PLOD1: variants seen among roughly 807,000 people sequenced by gnomAD.
The protein encoded by PLOD1 is procollagen-lysine,2-oxoglutarate 5-dioxygenase 1.
PLOD1 carries 70 observed loss-of-function variants against 94.7 expected under a neutral mutation model. The observed-to-expected ratio is 0.74, with a 90% CI of 0.61 to 0.90. The LOEUF is 0.90. Among genes scored for constraint, PLOD1 ranks in the 40% least tolerant of loss-of-function variants. The pLI, the probability that PLOD1 is intolerant of heterozygous loss-of-function variation, is 0.00. For missense variants in PLOD1, 905 were observed against 972.7 expected, an observed-to-expected ratio of 0.93 and a Z score of 0.93; for synonymous variants, 417 against 400.2, an observed-to-expected ratio of 1.04 and a Z score of -0.50.
intron 16 of PLOD1, among the ~76,000 whole-genome samples, chr1:11,967,936 TTTAA>T (rs976105899): frequency 6.6e-6 from 1 of 150,606 alleles, no homozygotes; most frequent in Non-Finnish European, 1.5e-5. Context: ...TCTTTATTTA[TTTAA>T]TTGTGTGTGT....
Position 11,964,249 on chromosome 1 carries a change from GCTA to G in PLOD1, c.1281_1283del (p.Tyr428del). On this transcript the variant is annotated inframe_deletion, in exon 12 of 19. Transcript: ENST00000196061. ...TTCTGGGGGGCTCTCAGTGCAGATGGCTACTATGCCCGTTCCGAGGACTACGTG... is the reference window on the plus strand; with the variant it reads ...TTCTGGGGGGCTCTCAGTGCAGATGGCTATGCCCGTTCCGAGGACTACGTG... The G allele has an allele frequency of 1.3e-6, 2 of 1,568,864 alleles. No individual in the cohort carries two copies. The highest frequency in any genetic ancestry group is 1.7e-6 in the Non-Finnish European group (2 of 1,153,190).
rs2100760068 is a variant in PLOD1, at chr1:11,966,311, GA to G, written c.1646del (p.Glu549GlyfsTer55). ...YTKALAGKLV[E>X]TPCPDVYWFP... Reference sequence around the variant, plus strand: ...CAAAGCCCTGGCAGGGAAGCTGGTGGAGACGGTAAGGGCCATGGACACCCTC... The same window carrying G: ...CAAAGCCCTGGCAGGGAAGCTGGTGGGACGGTAAGGGCCATGGACACCCTC... On this transcript the variant is annotated frameshift_variant, in exon 15 of 19. Coordinates refer to ENST00000196061, the MANE Select transcript of PLOD1 (RefSeq NM_000302.4). LOFTEE classifies it high-confidence loss of function. 11 of 1,604,598 alleles carry G rather than the reference GA, an allele frequency of 6.9e-6. No individual in the cohort carries two copies. Among genetic ancestry groups the G allele is most frequent in the Non-Finnish European group, 9.4e-6 (11 of 1,175,098 alleles).
Position 11,958,926 on chromosome 1 carries a change from C to T in PLOD1, c.975+279C>T, listed in dbSNP as rs957359415. 4.6e-5 allele frequency among the ~76,000 whole-genome samples: 7 copies of T among 152,134 alleles called. No individual in the cohort carries two copies. The highest frequency in any genetic ancestry group is 9.7e-5 in the African/African-American group (4 of 41,442). On this transcript the variant is annotated intron_variant, in intron 9 of 18. Coordinates refer to ENST00000196061, the MANE Select transcript of PLOD1 (RefSeq NM_000302.4). This position sits in a 1 kb window ranked among gnomAD's most constrained non-coding sequence, Gnocchi z 4.3. Reference sequence around the variant, plus strand: ...TCATCTATAAAATAGGCATAAAAGTCGGGCGCGGTGGCTCATGCCTGTAAT... The same window carrying T: ...TCATCTATAAAATAGGCATAAAAGTTGGGCGCGGTGGCTCATGCCTGTAAT...
chr1:11,970,060 A>T (rs1645850191), intron 16 of PLOD1, among the ~76,000 whole-genome samples: 1 of 148,918 alleles, frequency 6.7e-6, no homozygotes, highest in African/African-American at 2.5e-5. Flanking sequence ...GGCCAACATG[A>T]TGAAACCCCA....
chr1:11,970,120 G>A (rs900081569), intron 16 of PLOD1, among the ~76,000 whole-genome samples: 1 of 150,460 alleles, frequency 6.6e-6, no homozygotes, highest in African/African-American at 2.5e-5. Context: ...GCATGGTGGC[G>A]CACGCCTGTA....
chr1:11,947,298 G>A (rs1279358500), intron 1 of PLOD1, among the ~76,000 whole-genome samples: 1 of 151,500 alleles, frequency 6.6e-6, no homozygotes, highest in Non-Finnish European at 1.5e-5. Context: ...TCTTGGTCGG[G>A]CATGATGACT....
In PLOD1 at chr1:11,975,438, G is replaced by A. The variant is rs1645897101; in HGVS notation, c.*630G>A. 5.9e-6 allele frequency: 1 copy of A among 169,752 alleles called. No homozygotes were observed. The highest frequency in any genetic ancestry group is 5.4e-5 in the Admixed American group (1 of 18,438). 10.5% of individuals were successfully genotyped at this position (169,752 alleles called of 1,614,324 possible). On this transcript the variant is annotated 3_prime_UTR_variant, in exon 19 of 19. Transcript: ENST00000196061. Reference sequence around the variant, plus strand: ...CTTGCCTGTGGGGAGGGGAGTGACAGGTCCACACACCACACTGGGTCACCC... The same window carrying A: ...CTTGCCTGTGGGGAGGGGAGTGACAAGTCCACACACCACACTGGGTCACCC...
chr1:11,953,257 C>T (rs1038929076), intron 5 of PLOD1, among the ~76,000 whole-genome samples: 1 of 151,612 alleles, frequency 6.6e-6, no homozygotes, highest in Non-Finnish European at 1.5e-5. Context: ...GGTTTCACTA[C>T]GTTCGCCAGG....
At position 11,955,445 on chromosome 1, in the gene PLOD1, G is replaced by A. The variant is rs373773828; in HGVS notation, c.643+552G>A. Among the ~76,000 whole-genome samples, 6 of 132,038 alleles carry A rather than the reference G, an allele frequency of 4.5e-5. No individual in the cohort carries two copies. The East Asian group carries it at 7.9e-4, about 17-fold the overall frequency. The allele number at this position is 132,038 out of a possible 152,430, so 86.6% of individuals were successfully genotyped here. On this transcript the variant is annotated intron_variant, in intron 6 of 18. Coordinates refer to ENST00000196061, the MANE Select transcript of PLOD1 (RefSeq NM_000302.4). ...CTCAGTTTTCTTATCTTTACAAAAG[G>A]GAAGTGAACCGGATCCACTGATTGC...
chr1:11,962,274 CTTTTTT>C lies in PLOD1; in HGVS notation c.1098-1243_1098-1238del, dbSNP rs780613164. ...TACATCTTCTTTTGATTTTTGTTTT[CTTTTTT>C]TTTTTTTTTTTTTTGAGATGGAGTC... On this transcript the variant is annotated intron_variant, in intron 10 of 18. Coordinates refer to ENST00000196061, the MANE Select transcript of PLOD1 (RefSeq NM_000302.4). Among the ~76,000 whole-genome samples, 25 of 99,076 alleles carry C rather than the reference CTTTTTT, an allele frequency of 2.5e-4. No individual in the cohort carries two copies. In the East Asian group the frequency reaches 6.4e-3, roughly 25 times the overall value. The allele number at this position is 99,076 out of a possible 152,430, so 65.0% of individuals were successfully genotyped here. A position where few individuals can be genotyped will look rare whatever the true frequency, so the allele number is the denominator to read the frequency against.
At chr1:11,973,927 A>C (rs116559879) in intron 18 of PLOD1, among the ~76,000 whole-genome samples, 3,090 of 152,220 alleles carry the variant, frequency 0.02, 84 homozygotes, top group African/African-American at 0.061. Flanking sequence ...TTTTACAACT[A>C]TGAGGGGCTA....
intron 1 of PLOD1, among the ~76,000 whole-genome samples, chr1:11,945,031 G>A (rs1028813607): frequency 1.3e-5 from 2 of 152,206 alleles, no homozygotes; most frequent in Admixed American, 1.3e-4. Context: ...TCTGTGGCTT[G>A]GAGGCCAGAG....
At chr1:11,952,601 G>GT in intron 4 of PLOD1, 22 bp from the exon 5 acceptor site, 1 of 1,583,108 alleles carries the variant, frequency 6.3e-7, no homozygotes, top group Non-Finnish European at 8.7e-7. Flanking sequence ...CCGTCTTGGT[G>GT]TCCCCACCCA....
At position 11,960,631 on chromosome 1, in the gene PLOD1, C is replaced by A. The variant is rs1230032400; in HGVS notation, c.976-15C>A. The A allele has an allele frequency of 1.8e-5, 28 of 1,596,654 alleles. No individual in the cohort carries two copies. Among genetic ancestry groups the A allele is most frequent in the Non-Finnish European group, 2.3e-5 (27 of 1,166,542 alleles). ...CTCCTCACCCCCGCATCCCCTTCCC[C>A]ATCCCCAACCCCAGGAGCAGCACCA... On this transcript the variant is annotated splice_polypyrimidine_tract_variant and intron_variant, in intron 9 of 18. Coordinates refer to ENST00000196061, the MANE Select transcript of PLOD1 (RefSeq NM_000302.4).
intron 5 of PLOD1, chr1:11,954,287 A>G (rs549081681): frequency 3.1e-6 from 1 of 322,902 alleles, no homozygotes; most frequent in South Asian, 2.5e-5. Context: ...AGCCTGCTCA[A>G]TGTGGTGAAA....
At chr1:11,940,169 C>T (rs1291234709) in intron 1 of PLOD1, among the ~76,000 whole-genome samples, 1 of 152,188 alleles carries the variant, frequency 6.6e-6, no homozygotes. Context: ...CCTAGAGGTG[C>T]GTGCCACCAT....
chr1:11,935,786 A>T (rs1372239876), intron 1 of PLOD1, among the ~76,000 whole-genome samples: 14 of 152,080 alleles, frequency 9.2e-5, no homozygotes, highest in Admixed American at 9.2e-4. Flanking sequence ...CACCATGCCT[A>T]GCTAATTTTT....
intron 16 of PLOD1, among the ~76,000 whole-genome samples, chr1:11,970,252 C>T (rs1024238839): frequency 5.3e-5 from 8 of 151,906 alleles, no homozygotes; most frequent in Non-Finnish European, 1.2e-4. Context: ...CTCCGTCACA[C>T]ACACACAAAA....
intron 1 of PLOD1, among the ~76,000 whole-genome samples, chr1:11,946,345 C>T (rs913022923): frequency 6.6e-6 from 1 of 152,204 alleles, no homozygotes; most frequent in Non-Finnish European, 1.5e-5. Context: ...GCAGGCCACA[C>T]TACAGAGCCT....
Sources: allele counts gnomAD v4.1 joint callset (sites outside exome capture counted in the v4.1 genomes callset), GRCh38; gene constraint gnomAD v4.1.1; non-coding constraint Gnocchi (gnomAD v3.1); transcripts MANE v1.5; gene names NCBI Gene and HGNC (gene_info 2026-07-23, HGNC 2026-07-21).